The following TMEM183A variants were observed in gnomAD, a reference collection of about 807,000 sequenced individuals.
TMEM183A encodes transmembrane protein 183A, also known as chromosome 1 open reading frame 37.
In TMEM183A, 21 loss-of-function variants were observed where a neutral mutation model predicts 46.7. The observed-to-expected ratio is 0.45, with a 90% CI of 0.32 to 0.65. The LOEUF is 0.65. Among genes scored for constraint, TMEM183A ranks in the 30% least tolerant of loss-of-function variants. The pLI, the probability that TMEM183A is intolerant of heterozygous loss-of-function variation, is 0.04. For synonymous variants in TMEM183A, 165 were observed against 180.2 expected, an observed-to-expected ratio of 0.92 and a Z score of 0.68; for missense variants, 331 against 481.9, an observed-to-expected ratio of 0.69 and a Z score of 2.93.
intron 4 of TMEM183A, 32 bp downstream of exon 4, chr1:203,015,080 G>T (rs1435216411): frequency 3.1e-6 from 5 of 1,605,116 alleles, no homozygotes; most frequent in Non-Finnish European, 4.2e-6. Context: ...TCTTTTATCT[G>T]TGTGGCTGAT....
intron 6 of TMEM183A, among the ~76,000 whole-genome samples, chr1:203,019,776 T>C (rs1386949316): frequency 6.6e-6 from 1 of 152,236 alleles, no homozygotes; most frequent in Non-Finnish European, 1.5e-5. Context: ...GGAAAAATTA[T>C]GCCAGAGGCA....
At chr1:203,012,320 A>T (rs1656737508) in intron 3 of TMEM183A, among the ~76,000 whole-genome samples, 1 of 148,490 alleles carries the variant, frequency 6.7e-6, no homozygotes, top group Middle Eastern at 3.4e-3. Flanking sequence ...TCATCTTTGT[A>T]AATATTTTAG....
rs1055348663 is a variant in TMEM183A at position 203,007,389 on chromosome 1, G to A, written c.-77G>A. The A allele has an allele frequency of 1.6e-6, 2 of 1,289,902 alleles. No homozygotes were observed. The highest frequency in any genetic ancestry group is 3.9e-5 in the Admixed American group (1 of 25,964). 79.9% of individuals were successfully genotyped at this position (1,289,902 alleles called of 1,614,324 possible). Reference sequence around the variant, plus strand: ...GACCTATGTTCTCGCGAGAGTTAGCGGCCTCCGGTGTGGGATGGCCGCGGA... The same window carrying A: ...GACCTATGTTCTCGCGAGAGTTAGCAGCCTCCGGTGTGGGATGGCCGCGGA... On this transcript the variant is annotated 5_prime_UTR_variant, in exon 1 of 8. Transcript: ENST00000367242.
At chr1:203,007,698 A>G in intron 1 of TMEM183A, 76 bp from the exon 2 acceptor site, 3 of 1,591,260 alleles carry the variant, frequency 1.9e-6, no homozygotes, top group South Asian at 1.1e-5. Context: ...GGGGGCCTGC[A>G]GCGAGGAGGA....
chr1:203,012,777 T>C (rs1461571444), intron 3 of TMEM183A, among the ~76,000 whole-genome samples: 1 of 152,206 alleles, frequency 6.6e-6, no homozygotes, highest in Non-Finnish European at 1.5e-5. Flanking sequence ...TTGCCCAGGC[T>C]GGATTGCAGT....
intron 6 of TMEM183A, among the ~76,000 whole-genome samples, chr1:203,019,841 A>G (rs936231413): frequency 6.6e-6 from 1 of 152,222 alleles, no homozygotes; most frequent in Non-Finnish European, 1.5e-5. Flanking sequence ...TGACAGTATT[A>G]CTCAAAGGAC....
chr1:203,019,070 T>A (rs1051864232), intron 6 of TMEM183A, among the ~76,000 whole-genome samples: 1 of 152,170 alleles, frequency 6.6e-6, no homozygotes, highest in Non-Finnish European at 1.5e-5. Context: ...AGCCTAAAAA[T>A]CCAAAATCTG....
chr1:203,018,337 C>A, intron 5 of TMEM183A, 144 bp from the exon 6 acceptor site: 1 of 943,794 alleles, frequency 1.1e-6, no homozygotes, highest in Non-Finnish European at 1.6e-6. Context: ...TCTATCTGTG[C>A]CAAAGTAAAA....
intron 3 of TMEM183A, among the ~76,000 whole-genome samples, chr1:203,010,913 C>A (rs1571603598): frequency 1.3e-5 from 2 of 152,338 alleles, no homozygotes; most frequent in East Asian, 3.9e-4. Context: ...TACAGACTTA[C>A]CTATTCTGAC....
intron 3 of TMEM183A, among the ~76,000 whole-genome samples, chr1:203,009,203 G>A (rs1176257540): frequency 1.3e-5 from 2 of 152,220 alleles, no homozygotes; most frequent in Admixed American, 6.5e-5. Context: ...TCCAAAGTAT[G>A]TGGATTTTAC....
intron 3 of TMEM183A, among the ~76,000 whole-genome samples, chr1:203,012,148 TCACACACACACACACACA>T (rs767000280): frequency 1.8e-4 from 14 of 79,400 alleles, no homozygotes; most frequent in African/African-American, 5.5e-4. Flanking sequence ...CCCCACTCCA[TCACACACACACACACACA>T]CACACACACA....
intron 7 of TMEM183A, among the ~76,000 whole-genome samples, chr1:203,022,394 CCTT>C: frequency 6.6e-6 from 1 of 152,034 alleles, no homozygotes; most frequent in East Asian, 1.9e-4. Flanking sequence ...ATAAAATTCT[CCTT>C]AATTTTTTAT....
At chr1:203,010,329 C>T (rs1477615692) in intron 3 of TMEM183A, among the ~76,000 whole-genome samples, 1 of 152,068 alleles carries the variant, frequency 6.6e-6, no homozygotes, top group African/African-American at 2.4e-5. Flanking sequence ...AGTCATATCC[C>T]TCTTTTTCAG....
chr1:203,007,723 A>G, intron 1 of TMEM183A, 51 bp from the exon 2 acceptor site: 1 of 1,604,980 alleles, frequency 6.2e-7, no homozygotes. Context: ...TTGGCGGGGA[A>G]GACGCTGACG....
chr1:203,012,278 C>CACAT (rs58503894), intron 3 of TMEM183A, among the ~76,000 whole-genome samples: 3 of 147,162 alleles, frequency 2.0e-5, no homozygotes, highest in African/African-American at 5.0e-5. Flanking sequence ...CACACACACA[C>CACAT]GGTTATTTTG....
At chr1:203,008,358 C>T (rs944591852) in intron 2 of TMEM183A, among the ~76,000 whole-genome samples, 4 of 151,614 alleles carry the variant, frequency 2.6e-5, no homozygotes, top group African/African-American at 9.7e-5. Flanking sequence ...TTTTATCCTG[C>T]AGGGTTTATA....
chr1:203,011,307 A>G (rs548567028), intron 3 of TMEM183A, among the ~76,000 whole-genome samples: 104 of 152,266 alleles, frequency 6.8e-4, no homozygotes, highest in Non-Finnish European at 1.1e-3. Flanking sequence ...TAAAATTATA[A>G]TGGATGTGGA....
chr1:203,016,687 A>G (rs1447793833), intron 5 of TMEM183A, among the ~76,000 whole-genome samples: 1 of 152,214 alleles, frequency 6.6e-6, no homozygotes, highest in African/African-American at 2.4e-5. Context: ...CATAGACTAT[A>G]AGGTACCCTG....
intron 1 of TMEM183A, 52 bp from the exon 2 acceptor site, chr1:203,007,722 A>C: frequency 1.2e-6 from 2 of 1,603,584 alleles, no homozygotes; most frequent in Non-Finnish European, 1.7e-6. Flanking sequence ...GTTGGCGGGG[A>C]AGACGCTGAC....
Sources: gnomAD v4.1 joint callset for allele counts (sites outside exome capture counted in the v4.1 genomes callset) on GRCh38, gnomAD v4.1.1 for gene constraint, MANE v1.5 for transcripts, NCBI Gene and HGNC (gene_info 2026-07-23, HGNC 2026-07-21) for gene names.